Variants in NCALD observed in about 807,000 individuals in gnomAD.
NCALD encodes the protein neurocalcin-delta.
Under a neutral mutation model 18.6 loss-of-function variants are expected in NCALD, and 10 were observed. The observed-to-expected ratio is 0.54, with a 90% confidence interval of 0.33 to 0.91. The LOEUF is 0.91. Among genes scored for constraint, NCALD ranks in the 40% least tolerant of loss-of-function variants. The pLI is 0.03. For missense variants in NCALD, 184 were observed against 247.6 expected (o/e 0.74, Z 1.72); for synonymous variants, 88 against 87.4 (o/e 1.01, Z -0.04).
At chr8:101,893,896 C>T (rs1364484326) in intron 3 of NCALD, among the ~76,000 whole-genome samples, 2 of 146,444 alleles carry the variant, frequency 1.4e-5, no homozygotes, top group Non-Finnish European at 3.0e-5. Context: ...GAGACGTAGA[C>T]TCCCACACAT....
chr8:102,033,138 A>G (rs891255791), intron 1 of NCALD, among the ~76,000 whole-genome samples: 2 of 152,116 alleles, frequency 1.3e-5, no homozygotes, highest in African/African-American at 4.8e-5. Flanking sequence ...GCACCCCTCA[A>G]GACATCACTT....
At chr8:101,765,515 A>G (rs1811310837) in intron 1 of NCALD, among the ~76,000 whole-genome samples, 1 of 152,208 alleles carries the variant, frequency 6.6e-6, no homozygotes, top group African/African-American at 2.4e-5. Context: ...AAAAACATGC[A>G]TAATTAAAAA....
chr8:101,715,198 T>C (rs1816018415), intron 2 of NCALD, among the ~76,000 whole-genome samples: 1 of 152,144 alleles, frequency 6.6e-6, no homozygotes, highest in African/African-American at 2.4e-5. Flanking sequence ...ATCTGATCTT[T>C]GACAAACCTC....
chr8:101,811,758 G>T (rs1268492165), intron 4 of NCALD, among the ~76,000 whole-genome samples: 2 of 152,142 alleles, frequency 1.3e-5, no homozygotes, highest in Non-Finnish European at 2.9e-5. Context: ...AAAACCTACT[G>T]CAGGGTCTTC....
intron 4 of NCALD, among the ~76,000 whole-genome samples, chr8:101,820,834 C>G (rs546258699): frequency 3.3e-4 from 51 of 152,288 alleles, no homozygotes; most frequent in African/African-American, 1.1e-3. Context: ...GCAATATTTG[C>G]GTTAGCTACA....
intron 1 of NCALD, among the ~76,000 whole-genome samples, chr8:101,772,271 T>C (rs1370634035): frequency 6.6e-6 from 1 of 152,192 alleles, no homozygotes; most frequent in Non-Finnish European, 1.5e-5. Context: ...CATGCTAACT[T>C]TCATTCATCT....
chr8:101,925,214 G>A (rs1346354661), intron 2 of NCALD, among the ~76,000 whole-genome samples: 1 of 152,114 alleles, frequency 6.6e-6, no homozygotes, highest in African/African-American at 2.4e-5. Flanking sequence ...TGTCACCTGC[G>A]ATGCTCCCCT....
At chr8:101,920,997 T>C (rs1586756920) in intron 2 of NCALD, among the ~76,000 whole-genome samples, 1 of 152,054 alleles carries the variant, frequency 6.6e-6, no homozygotes, top group African/African-American at 2.4e-5. Context: ...GGAAGGAGGG[T>C]ATCAAAAGAA....
intron 1 of NCALD, among the ~76,000 whole-genome samples, chr8:101,775,571 G>C (rs908602765): frequency 6.6e-6 from 1 of 152,140 alleles, no homozygotes; most frequent in Non-Finnish European, 1.5e-5. Flanking sequence ...TGACTGGAGG[G>C]CCCTGTGTTT....
intron 2 of NCALD, among the ~76,000 whole-genome samples, chr8:101,713,054 G>T (rs147807752): frequency 1.3e-5 from 2 of 152,096 alleles, no homozygotes; most frequent in African/African-American, 4.8e-5. Flanking sequence ...AAATAAAAAA[G>T]AATGGAAATC....
At chr8:101,989,363 G>A (rs926299008) in intron 2 of NCALD, among the ~76,000 whole-genome samples, 4 of 152,038 alleles carry the variant, frequency 2.6e-5, no homozygotes, top group African/African-American at 9.7e-5. Context: ...CACCCTTAAT[G>A]CACTACTAAT....
At chr8:101,858,163 T>TTAAA (rs10699930) in intron 4 of NCALD, among the ~76,000 whole-genome samples, 46,666 of 151,726 alleles carry the variant, frequency 0.31, 8,125 homozygotes, top group African/African-American at 0.46. Flanking sequence ...ATGTAAAAAT[T>TTAAA]TACACACATA....
At chr8:101,698,684 G>T (rs1815117298) in intron 2 of NCALD, among the ~76,000 whole-genome samples, 1 of 152,148 alleles carries the variant, frequency 6.6e-6, no homozygotes, top group African/African-American at 2.4e-5. Context: ...ATGGGGAAAG[G>T]ATTCCCTATT....
intron 1 of NCALD, among the ~76,000 whole-genome samples, chr8:102,070,858 G>C (rs899851104): frequency 2.6e-5 from 4 of 152,068 alleles, no homozygotes; most frequent in Admixed American, 2.6e-4. Flanking sequence ...ATTCACATAA[G>C]CCCTCATCCT....
At chr8:101,851,697 T>G (rs1268487994) in intron 4 of NCALD, among the ~76,000 whole-genome samples, 2 of 152,078 alleles carry the variant, frequency 1.3e-5, no homozygotes. Flanking sequence ...ACTCGAGACC[T>G]CCTGGATCCT....
chr8:101,796,471 C>T (rs1451540088), intron 4 of NCALD, among the ~76,000 whole-genome samples: 1 of 151,922 alleles, frequency 6.6e-6, no homozygotes, highest in East Asian at 1.9e-4. Flanking sequence ...CTGGAGAATC[C>T]TCACGCAAAA....
chr8:102,085,233 A>T (rs1025203154), intron 1 of NCALD, among the ~76,000 whole-genome samples: 2 of 152,196 alleles, frequency 1.3e-5, no homozygotes, highest in African/African-American at 4.8e-5. Context: ...GAACTCTGCC[A>T]TCTACCCACT....
chr8:102,008,099 G>A (rs1381480527), intron 2 of NCALD, among the ~76,000 whole-genome samples: 2 of 152,154 alleles, frequency 1.3e-5, no homozygotes, highest in African/African-American at 4.8e-5. Context: ...GATAAGCAGA[G>A]GTGAAAATGT....
At chr8:102,031,078 TG>T (rs1822653484) in intron 1 of NCALD, among the ~76,000 whole-genome samples, 2 of 152,148 alleles carry the variant, frequency 1.3e-5, no homozygotes, top group Non-Finnish European at 2.9e-5. Flanking sequence ...ATGTGCTTCC[TG>T]ATGTAAAAAC....
Sources: gnomAD v4.1 joint callset for allele counts (sites outside exome capture counted in the v4.1 genomes callset) on GRCh38, gnomAD v4.1.1 for gene constraint, MANE v1.5 for transcripts, NCBI Gene and HGNC (gene_info 2026-07-23, HGNC 2026-07-21) for gene names.